WDPCP: variants seen among roughly 807,000 people sequenced by gnomAD.
WDPCP encodes the protein WD repeat-containing and planar cell polarity effector protein fritz homolog.
In WDPCP, 71 loss-of-function variants were observed where a neutral mutation model predicts 93.1. The observed-to-expected ratio is 0.76, with a 90% confidence interval of 0.63 to 0.93. The LOEUF is 0.93. WDPCP is among the 40% of genes least tolerant of loss of function. The probability of loss-of-function intolerance (pLI) is 0.00; values close to 1 mark genes in which losing one functional copy is unlikely to be tolerated. For synonymous variants in WDPCP, 315 were observed against 315.0 expected, an observed-to-expected ratio of 1.00 and a Z score of 0.00; for missense variants, 844 against 887.4, an observed-to-expected ratio of 0.95 and a Z score of 0.62.
At chr2:63,350,575 C>T (rs1193723286) in intron 12 of WDPCP, among the ~76,000 whole-genome samples, 9 of 151,978 alleles carry the variant, frequency 5.9e-5, no homozygotes, top group South Asian at 2.1e-4. Flanking sequence ...CTGGAAGTTG[C>T]GGGTTTAAGG....
At chr2:63,268,750 T>C (rs1682374407) in intron 13 of WDPCP, among the ~76,000 whole-genome samples, 1 of 152,026 alleles carries the variant, frequency 6.6e-6, no homozygotes, top group Non-Finnish European at 1.5e-5. Context: ...CAGAAAGTGA[T>C]GGGATTACAG....
chr2:63,208,647 T>C (rs183729468), intron 14 of WDPCP, among the ~76,000 whole-genome samples: 1 of 152,312 alleles, frequency 6.6e-6, no homozygotes, highest in Admixed American at 6.5e-5. Context: ...CAGAATCATC[T>C]CTATTTTCTG....
At chr2:63,701,116 T>C (rs960178577) in intron 2 of WDPCP, among the ~76,000 whole-genome samples, 1 of 152,096 alleles carries the variant, frequency 6.6e-6, no homozygotes, top group Non-Finnish European at 1.5e-5. Flanking sequence ...TGACAAAGGA[T>C]TAATAACCAG....
At chr2:63,511,258 A>G (rs1271091642) in intron 1 of WDPCP, among the ~76,000 whole-genome samples, 1 of 152,212 alleles carries the variant, frequency 6.6e-6, no homozygotes, top group Non-Finnish European at 1.5e-5. Context: ...GACACAAACA[A>G]ATGGAAAAAC....
At chr2:63,724,343 G>A (rs1356854277) in intron 2 of WDPCP, among the ~76,000 whole-genome samples, 2 of 151,024 alleles carry the variant, frequency 1.3e-5, no homozygotes, top group Admixed American at 6.6e-5. Flanking sequence ...AACTACTGAA[G>A]GGCAAAAAAT....
chr2:63,830,824 C>T (rs578056099), upstream of WDPCP, among the ~76,000 whole-genome samples: 6 of 152,162 alleles, frequency 3.9e-5, no homozygotes, highest in Non-Finnish European at 8.8e-5. Context: ...CTTTTCTATT[C>T]TGTGTCTTCT....
intron 1 of WDPCP, among the ~76,000 whole-genome samples, chr2:63,567,648 T>C (rs1259505903): frequency 1.3e-5 from 2 of 152,142 alleles, no homozygotes; most frequent in Non-Finnish European, 2.9e-5. Flanking sequence ...CCCCAATCCT[T>C]CCCTCTAAAG....
intron 11 of WDPCP, among the ~76,000 whole-genome samples, chr2:63,379,639 C>G (rs1692137816): frequency 6.6e-6 from 1 of 152,164 alleles, no homozygotes; most frequent in Non-Finnish European, 1.5e-5. Context: ...ATACTCATAA[C>G]TCCCAGCACA....
intron 15 of WDPCP, among the ~76,000 whole-genome samples, chr2:63,166,589 C>A (rs759094233): frequency 6.6e-6 from 1 of 151,450 alleles, no homozygotes; most frequent in African/African-American, 2.4e-5. Flanking sequence ...GACAGGGTTT[C>A]GCCATATTTG....
At chr2:63,637,371 A>G (rs573461350) in intron 3 of WDPCP, among the ~76,000 whole-genome samples, 2 of 150,880 alleles carry the variant, frequency 1.3e-5, no homozygotes, top group African/African-American at 4.9e-5. Flanking sequence ...AAGAAAAAAC[A>G]AAAAAACAAA....
rs189991907 is a variant in WDPCP at position 63,621,782 on chromosome 2, C to T, written n.488+28877G>A. On this transcript the variant is annotated intron_variant and non_coding_transcript_variant, in intron 3 of 4. Coordinates refer to the WDPCP transcript ENST00000467687. The stretch of plus-strand genomic sequence containing the variant: ...GTTAAGGGCAGCCAGAAAGAAAGGT[C>T]GGGTTACCCAAAAGGGAAGCCCATC... Among the ~76,000 whole-genome samples the T allele has an allele frequency of 3.2e-3, 485 of 152,116 alleles. 1 individual carries two copies. The highest frequency in any genetic ancestry group is 0.011 in the African/African-American group (461 of 41,502).
intron 9 of WDPCP, among the ~76,000 whole-genome samples, chr2:63,411,355 C>G (rs1695008907): frequency 6.6e-6 from 1 of 151,992 alleles, no homozygotes; most frequent in Admixed American, 6.6e-5. Context: ...ACACAACCTA[C>G]AAAAACCTCT....
chr2:63,495,990 T>C (rs1701199638), intron 1 of WDPCP, among the ~76,000 whole-genome samples: 1 of 152,160 alleles, frequency 6.6e-6, no homozygotes, highest in South Asian at 2.1e-4. Context: ...AGAAAAGAGA[T>C]GGTAAAACAG....
At chr2:63,751,372 A>G (rs1047548199) in intron 2 of WDPCP, among the ~76,000 whole-genome samples, 6 of 152,132 alleles carry the variant, frequency 3.9e-5, no homozygotes, top group African/African-American at 1.4e-4. Context: ...ATTCAGCGTC[A>G]TGATCAGACT....
intron 1 of WDPCP, among the ~76,000 whole-genome samples, chr2:63,512,895 A>T (rs1702326893): frequency 6.6e-6 from 1 of 151,948 alleles, no homozygotes; most frequent in South Asian, 2.1e-4. Flanking sequence ...TATAATTTTT[A>T]AAAATTAAAA....
chr2:63,582,429 A>AT (rs1434002113), intron 1 of WDPCP, among the ~76,000 whole-genome samples: 9 of 152,320 alleles, frequency 5.9e-5, no homozygotes, highest in Admixed American at 5.9e-4. Flanking sequence ...GACAACTTCA[A>AT]TCAGCTCAAA....
chr2:63,603,407 C>T (rs560963978), intron 3 of WDPCP, among the ~76,000 whole-genome samples: 2 of 152,294 alleles, frequency 1.3e-5, no homozygotes, highest in East Asian at 3.9e-4. Flanking sequence ...AAGCTACAGA[C>T]TCTGGCACAA....
At chr2:63,376,332 G>T (rs965539903) in intron 12 of WDPCP, among the ~76,000 whole-genome samples, 1 of 151,826 alleles carries the variant, frequency 6.6e-6, no homozygotes, top group Non-Finnish European at 1.5e-5. Flanking sequence ...AGAAAAGCTG[G>T]AGAATAATAA....
chr2:63,410,291 T>TA (rs1013975154), intron 9 of WDPCP, among the ~76,000 whole-genome samples: 6 of 152,178 alleles, frequency 3.9e-5, no homozygotes, highest in Non-Finnish European at 1.5e-5. Context: ...GAATGAAAGA[T>TA]ACAGTCTTTT....
Sources: allele counts gnomAD v4.1 joint callset (sites outside exome capture counted in the v4.1 genomes callset), GRCh38; gene constraint gnomAD v4.1.1; transcripts MANE v1.5; gene names NCBI Gene and HGNC (gene_info 2026-07-23, HGNC 2026-07-21).